Variants in GALNT14 observed in about 807,000 individuals in gnomAD.
The protein encoded by GALNT14 is UDP-GalNAc:polypeptide N-acetylgalactosaminyltransferase 14.
Under a neutral mutation model 77.5 loss-of-function variants are expected in GALNT14, and 60 were observed. The ratio of observed to expected loss-of-function variants is 0.77; its 90% CI spans 0.63 to 0.96. GALNT14 has a LOEUF of 0.96. Among genes scored for constraint, GALNT14 ranks in the 40% least tolerant of loss-of-function variants. The pLI is 0.00. For synonymous variants in GALNT14, 280 were observed against 281.7 expected, an observed-to-expected ratio of 0.99 and a Z score of 0.06; for missense variants, 710 against 731.0, an observed-to-expected ratio of 0.97 and a Z score of 0.33.
the GALNT14 span, among the ~76,000 whole-genome samples, chr2:30,903,518 C>T: frequency 1.3e-5 from 2 of 152,196 alleles, no homozygotes; most frequent in Non-Finnish European, 2.9e-5. Context: ...CTGGAGAGGC[C>T]CACATGGCAG....
At chr2:30,901,595 T>C in the GALNT14 span, among the ~76,000 whole-genome samples, 1 of 151,860 alleles carries the variant, frequency 6.6e-6, no homozygotes. Flanking sequence ...AGTATATATA[T>C]ATGTGTGTGT....
chr2:30,929,754 T>C (rs1478514477), intron 10 of GALNT14, among the ~76,000 whole-genome samples: 1 of 152,236 alleles, frequency 6.6e-6, no homozygotes, highest in South Asian at 2.1e-4. Context: ...CAGAAGTGTT[T>C]TGGATTTGGG....
At chr2:30,901,735 C>G in the GALNT14 span, among the ~76,000 whole-genome samples, 1 of 151,938 alleles carries the variant, frequency 6.6e-6, no homozygotes, top group Non-Finnish European at 1.5e-5. Flanking sequence ...CTTTAATACA[C>G]ACATCACACC....
At chr2:31,001,498 G>T (rs59579061) in intron 1 of GALNT14, among the ~76,000 whole-genome samples, 2,802 of 152,100 alleles carry the variant, frequency 0.018, 99 homozygotes, top group African/African-American at 0.064. Flanking sequence ...CCCAAGAAGG[G>T]GACAAAGTGG....
chr2:31,133,572 C>T (rs1177833601), intron 1 of GALNT14, among the ~76,000 whole-genome samples: 1 of 152,152 alleles, frequency 6.6e-6, no homozygotes, highest in Admixed American at 6.5e-5. Context: ...TGAAAATTAC[C>T]CTCAGGCCTA....
At chr2:31,100,116 T>C (rs560062754) in intron 1 of GALNT14, among the ~76,000 whole-genome samples, 1 of 152,132 alleles carries the variant, frequency 6.6e-6, no homozygotes, top group South Asian at 2.1e-4. Context: ...ACATTTCTTG[T>C]TGTTATTGTA....
chr2:31,121,907 T>A (rs1678431525), intron 1 of GALNT14, among the ~76,000 whole-genome samples: 1 of 152,176 alleles, frequency 6.6e-6, no homozygotes, highest in South Asian at 2.1e-4. Flanking sequence ...ATCCAAATGC[T>A]TCCTGGCTTC....
the GALNT14 span, among the ~76,000 whole-genome samples, chr2:30,893,591 T>C: frequency 7.9e-5 from 12 of 152,270 alleles, no homozygotes; most frequent in Non-Finnish European, 1.6e-4. Context: ...TGGCATGAAG[T>C]CAATAGATAA....
At chr2:30,943,090 C>A (rs61210361) in intron 8 of GALNT14, among the ~76,000 whole-genome samples, 3,401 of 152,300 alleles carry the variant, frequency 0.022, 154 homozygotes, top group East Asian at 0.18. Flanking sequence ...GGAAGCAACC[C>A]TGTGGACACC....
chr2:30,927,109 G>A (rs997305033), intron 11 of GALNT14, among the ~76,000 whole-genome samples: 3 of 152,138 alleles, frequency 2.0e-5, no homozygotes, highest in Non-Finnish European at 4.4e-5. Flanking sequence ...GGCACCCGGA[G>A]GGCAAAGCCC....
At chr2:30,908,383 C>G (rs1664201795), downstream of GALNT14, among the ~76,000 whole-genome samples, 1 of 150,700 alleles carries the variant, frequency 6.6e-6, no homozygotes, top group Non-Finnish European at 1.5e-5. Context: ...AATCAATGTA[C>G]AAAAATCACA....
intron 9 of GALNT14, among the ~76,000 whole-genome samples, chr2:30,933,612 C>T (rs1179770517): frequency 6.6e-6 from 1 of 152,178 alleles, no homozygotes; most frequent in Non-Finnish European, 1.5e-5. Context: ...TGTTCACTCC[C>T]AGGAAGCCTG....
chr2:30,924,410 A>G (rs1665231708), intron 12 of GALNT14, 147 bp from the exon 13 acceptor site: 5 of 813,182 alleles, frequency 6.1e-6, no homozygotes, highest in African/African-American at 1.7e-5. Context: ...GCAGGGTGCC[A>G]CTAAGAATGA....
intron 1 of GALNT14, among the ~76,000 whole-genome samples, chr2:31,024,400 C>T (rs1442511710): frequency 1.3e-5 from 2 of 152,142 alleles, no homozygotes; most frequent in African/African-American, 4.8e-5. Context: ...CAAGGCCCCA[C>T]ACACGGTGGC....
intron 1 of GALNT14, among the ~76,000 whole-genome samples, chr2:31,062,671 C>A (rs1403748353): frequency 6.6e-6 from 1 of 152,180 alleles, no homozygotes; most frequent in African/African-American, 2.4e-5. Flanking sequence ...AATTTCCACT[C>A]CCATCAACAG....
intron 1 of GALNT14, among the ~76,000 whole-genome samples, chr2:31,072,238 A>C (rs1675425486): frequency 1.4e-5 from 2 of 143,064 alleles, no homozygotes. Flanking sequence ...CACTGTGTGT[A>C]TGTCTCCTCT....
intron 1 of GALNT14, among the ~76,000 whole-genome samples, chr2:30,993,730 C>T (rs975791563): frequency 1.3e-5 from 2 of 152,198 alleles, no homozygotes; most frequent in Non-Finnish European, 2.9e-5. Context: ...CATCTTCACC[C>T]AAACCTTCTG....
At chr2:31,119,089 TAAAAGTTTAAG>T (rs1678256085) in intron 1 of GALNT14, among the ~76,000 whole-genome samples, 1 of 151,872 alleles carries the variant, frequency 6.6e-6, no homozygotes, top group South Asian at 2.1e-4. Context: ...ACCTAAGATT[TAAAAGTTTAAG>T]AAAAAAAAAT....
At chr2:31,020,113 G>A (rs1172008969) in intron 1 of GALNT14, among the ~76,000 whole-genome samples, 1 of 152,164 alleles carries the variant, frequency 6.6e-6, no homozygotes, top group Non-Finnish European at 1.5e-5. Flanking sequence ...AGCCACTGCT[G>A]TCAGAAATGA....
Sources: gnomAD v4.1 joint callset for allele counts (sites outside exome capture counted in the v4.1 genomes callset) on GRCh38, gnomAD v4.1.1 for gene constraint, MANE v1.5 for transcripts, NCBI Gene and HGNC (gene_info 2026-07-23, HGNC 2026-07-21) for gene names.